Variants in GALNTL6 observed in about 807,000 individuals in gnomAD.
The protein encoded by GALNTL6 is polypeptide N-acetylgalactosaminyltransferase-like 6.
A neutral mutation model predicts 73.7 loss-of-function variants in GALNTL6; 46 were observed. The observed-to-expected ratio is 0.62, with a 90% CI of 0.49 to 0.80. The LOEUF is 0.80. GALNTL6 is among the 30% of genes least tolerant of loss of function. The pLI, the probability that GALNTL6 is intolerant of heterozygous loss-of-function variation, is 0.00. For missense variants in GALNTL6, 604 were observed against 755.0 expected (o/e 0.80, Z 2.34); for synonymous variants, 259 against 263.7 (o/e 0.98, Z 0.17).
chr4:173,033,264 A>G (rs1579807507), intron 12 of GALNTL6, among the ~76,000 whole-genome samples: 2 of 152,164 alleles, frequency 1.3e-5, no homozygotes, highest in East Asian at 3.9e-4. Flanking sequence ...CGGCCTCCCA[A>G]GGTGCTGGGA....
rs149326029 is a variant in GALNTL6 at position 172,689,431 on chromosome 4, G to T, written c.554-119930G>T. Among the ~76,000 whole-genome samples the T allele has an allele frequency of 5.5e-4, 83 of 152,270 alleles. No individual in the cohort carries two copies. The East Asian group carries it at 6.7e-3, about 12-fold the overall frequency. On this transcript the variant is annotated intron_variant, in intron 5 of 12. Transcript: ENST00000506823. ...AGGATTATTATATGACTTAAAAGAA[G>T]TCTGACATCTATGAAAACATTTTGA...
At chr4:172,527,817 CATT>C (rs928928659) in intron 5 of GALNTL6, among the ~76,000 whole-genome samples, 2 of 152,046 alleles carry the variant, frequency 1.3e-5, no homozygotes, top group African/African-American at 4.8e-5. Flanking sequence ...GAGGTTGAAA[CATT>C]ATATATTTTT....
intron 5 of GALNTL6, among the ~76,000 whole-genome samples, chr4:172,683,506 C>T (rs1318783996): frequency 6.6e-6 from 1 of 152,128 alleles, no homozygotes; most frequent in Non-Finnish European, 1.5e-5. Context: ...AAACTTTTTA[C>T]CCTAACCCTT....
At chr4:172,440,498 G>A (rs1364319053) in intron 5 of GALNTL6, among the ~76,000 whole-genome samples, 2 of 152,086 alleles carry the variant, frequency 1.3e-5, no homozygotes, top group Non-Finnish European at 2.9e-5. Flanking sequence ...GGGTTGACTA[G>A]GCAGAACACA....
chr4:172,421,717 A>T (rs1445352007), intron 5 of GALNTL6, among the ~76,000 whole-genome samples: 2 of 152,046 alleles, frequency 1.3e-5, no homozygotes, highest in South Asian at 2.1e-4. Flanking sequence ...TCCATGAGGG[A>T]TTAGTAATAA....
intron 2 of GALNTL6, among the ~76,000 whole-genome samples, chr4:172,125,896 T>G (rs1733281428): frequency 6.6e-6 from 1 of 152,188 alleles, no homozygotes; most frequent in Admixed American, 6.5e-5. Flanking sequence ...TAATAACCTC[T>G]GAATTTAGAC....
At chr4:173,039,164 G>C (rs936878688) in intron 12 of GALNTL6, among the ~76,000 whole-genome samples, 1 of 152,168 alleles carries the variant, frequency 6.6e-6, no homozygotes, top group Admixed American at 6.5e-5. Flanking sequence ...GCTGTTATCT[G>C]CATCATGTAC....
At chr4:172,635,208 T>C (rs1000192424) in intron 5 of GALNTL6, among the ~76,000 whole-genome samples, 9 of 152,188 alleles carry the variant, frequency 5.9e-5, no homozygotes, top group Admixed American at 5.9e-4. Flanking sequence ...TCTTGGATGT[T>C]TGAGTTAAGT....
At chr4:172,944,229 A>G (rs921718659) in intron 9 of GALNTL6, among the ~76,000 whole-genome samples, 4 of 152,228 alleles carry the variant, frequency 2.6e-5, no homozygotes, top group Non-Finnish European at 5.9e-5. Context: ...ATTTCTGGCC[A>G]AAGGTTTGTA....
Position 172,937,084 on chromosome 4 carries a change from G to A in GALNTL6, c.1149+5816G>A, listed in dbSNP as rs900644170. On this transcript the variant is annotated intron_variant, in intron 9 of 12. Coordinates refer to ENST00000506823, the MANE Select transcript of GALNTL6 (RefSeq NM_001034845.3). ...AGAGAGTTACGGAGGGTGTGCGTAG[G>A]ACCTGTGGAGTTAGCCTTGGAAGAC... is the stretch of plus-strand genomic sequence containing the variant. 7.2e-5 allele frequency among the ~76,000 whole-genome samples: 11 copies of A among 151,936 alleles called. 1 individual carries two copies. Among genetic ancestry groups the A allele is most frequent in the African/African-American group, 2.7e-4 (11 of 41,360 alleles).
chr4:172,072,866 T>G (rs114003779), intron 2 of GALNTL6, among the ~76,000 whole-genome samples: 1 of 152,228 alleles, frequency 6.6e-6, no homozygotes, highest in East Asian at 1.9e-4. Flanking sequence ...TTATACAGCA[T>G]AGAAGATTTC....
chr4:172,441,047 A>G (rs1731819130), intron 5 of GALNTL6, among the ~76,000 whole-genome samples: 1 of 152,044 alleles, frequency 6.6e-6, no homozygotes, highest in South Asian at 2.1e-4. Context: ...CTCATATTTT[A>G]TGTTTTCTTC....
intron 10 of GALNTL6, among the ~76,000 whole-genome samples, chr4:172,989,566 C>T (rs1751452657): frequency 1.3e-5 from 2 of 152,162 alleles, no homozygotes; most frequent in Non-Finnish European, 2.9e-5. Flanking sequence ...GTGATTGGAT[C>T]ATGTGGGCAG....
intron 2 of GALNTL6, among the ~76,000 whole-genome samples, chr4:172,005,503 A>G (rs1374794141): frequency 1.3e-5 from 2 of 152,164 alleles, no homozygotes; most frequent in Non-Finnish European, 2.9e-5. Flanking sequence ...CCTACACTAC[A>G]GAATGAACTA....
intron 10 of GALNTL6, among the ~76,000 whole-genome samples, chr4:172,978,314 T>G (rs1201808501): frequency 6.6e-6 from 1 of 152,156 alleles, no homozygotes; most frequent in Non-Finnish European, 1.5e-5. Context: ...ACATGGTTAC[T>G]AATCACAAAG....
intron 5 of GALNTL6, among the ~76,000 whole-genome samples, chr4:172,797,390 G>A (rs1451974516): frequency 2.0e-5 from 3 of 151,998 alleles, no homozygotes; most frequent in East Asian, 1.9e-4. Flanking sequence ...GGGACTAGGC[G>A]AACGCCGCTA....
intron 2 of GALNTL6, among the ~76,000 whole-genome samples, chr4:171,861,956 CTTTAATTA>C (rs1735840088): frequency 6.6e-6 from 1 of 152,032 alleles, no homozygotes; most frequent in Non-Finnish European, 1.5e-5. Flanking sequence ...AAAGGCTTTG[CTTTAATTA>C]TTTAATTATT....
At chr4:172,991,425 G>A (rs1218932467) in intron 10 of GALNTL6, among the ~76,000 whole-genome samples, 1 of 151,792 alleles carries the variant, frequency 6.6e-6, no homozygotes, top group African/African-American at 2.4e-5. Context: ...TTGAGACAGA[G>A]TCTTGCTCTG....
chr4:172,102,257 T>A (rs1160473245), intron 2 of GALNTL6, among the ~76,000 whole-genome samples: 1 of 152,198 alleles, frequency 6.6e-6, no homozygotes, highest in African/African-American at 2.4e-5. Context: ...CAGCAGCTTC[T>A]CAATGCTACA....
Sources: allele counts gnomAD v4.1 joint callset (sites outside exome capture counted in the v4.1 genomes callset), GRCh38; gene constraint gnomAD v4.1.1; transcripts MANE v1.5; gene names NCBI Gene and HGNC (gene_info 2026-07-23, HGNC 2026-07-21).